The following SPATA9 variants were observed in gnomAD, a reference collection of about 807,000 sequenced individuals.
SPATA9 encodes spermatogenesis associated 9, also known as spermatogenesis-associated protein 9.
A neutral mutation model predicts 25.5 loss-of-function variants in SPATA9; 27 were observed. The ratio of observed to expected loss-of-function variants is 1.06; its 90% CI spans 0.78 to 1.46. SPATA9 has a LOEUF of 1.46. Among genes scored for constraint, SPATA9 ranks in the 40% most tolerant of loss-of-function variants. The probability of loss-of-function intolerance (pLI) is 0.00; values close to 1 mark genes in which losing one functional copy is unlikely to be tolerated. For missense variants in SPATA9, 282 were observed against 297.5 expected (o/e 0.95, Z 0.38); for synonymous variants, 102 against 105.7 (o/e 0.97, Z 0.21).
the SPATA9 span, chr5:95,719,750 C>T: frequency 6.6e-6 from 1 of 152,146 alleles, no homozygotes; most frequent in Admixed American, 6.6e-5. Flanking sequence ...AGATAGGTCA[C>T]CAATCTTTCC....
chr5:95,669,724 G>C (rs1752189778), intron 3 of SPATA9, among the ~76,000 whole-genome samples: 1 of 152,154 alleles, frequency 6.6e-6, no homozygotes, highest in Admixed American at 6.6e-5. Context: ...CATTCAAGGC[G>C]ATTATCTAGG....
chr5:95,715,322 CAAA>C, the SPATA9 span, among the ~76,000 whole-genome samples: 5 of 67,320 alleles, frequency 7.4e-5, 1 homozygote, highest in Admixed American at 5.2e-4. Context: ...GATTCCATCT[CAAA>C]AAAAAAAAAA....
At chr5:95,724,966 T>A in the SPATA9 span, among the ~76,000 whole-genome samples, 1 of 151,614 alleles carries the variant, frequency 6.6e-6, no homozygotes, top group Non-Finnish European at 1.5e-5. Context: ...GGTGAGAGAA[T>A]CAATTGAGTC....
chr5:95,714,551 C>T, the SPATA9 span, among the ~76,000 whole-genome samples: 5 of 152,076 alleles, frequency 3.3e-5, no homozygotes, highest in African/African-American at 9.7e-5. Context: ...AATTTGAAGG[C>T]TGTTGGTGAC....
At chr5:95,654,363 T>C (rs200861427), downstream of SPATA9, 24 of 1,588,762 alleles carry the variant, frequency 1.5e-5, no homozygotes, top group African/African-American at 2.7e-4. Flanking sequence ...TTGGGAGATA[T>C]AGAGGTATGT....
chr5:95,683,693 A>T (rs183744228), upstream of SPATA9, among the ~76,000 whole-genome samples: 2 of 152,014 alleles, frequency 1.3e-5, no homozygotes, highest in Non-Finnish European at 2.9e-5. Flanking sequence ...ACCCACCACC[A>T]CGCCTGGCTA....
In SPATA9 at chr5:95,694,849, T is replaced by C. The variant is rs529519654; in HGVS notation, n.124+3739A>G. Among the ~76,000 whole-genome samples the C allele has an allele frequency of 2.0e-3, 312 of 152,322 alleles. 1 individual carries two copies. The highest frequency in any genetic ancestry group is 6.8e-3 in the African/African-American group (283 of 41,568). On this transcript the variant is annotated intron_variant and non_coding_transcript_variant, in intron 1 of 2. Transcript: ENST00000379990. The stretch of plus-strand genomic sequence containing the variant: ...CCCCTTTCTACCAGGGAGGGCAGGA[T>C]AATTCTTATTTGTCCAAGACAACTC...
chr5:95,664,058 CAG>C lies in SPATA9; in HGVS notation c.379-12_379-11del, dbSNP rs762063651. The C allele has an allele frequency of 6.0e-6, 9 of 1,504,854 alleles. No individual in the cohort carries two copies. In the Admixed American group the frequency reaches 1.8e-4, roughly 30 times the overall value. 93.2% of individuals were successfully genotyped at this position (1,504,854 alleles called of 1,614,324 possible). A position where few individuals can be genotyped will look rare whatever the true frequency, so the allele number is the denominator to read the frequency against. On this transcript the variant is annotated splice_polypyrimidine_tract_variant and intron_variant, in intron 3 of 4. Transcript: ENST00000274432. ...AAGAACCCTTTCTGACCTGCAAAAA[CAG>C]AAAAGATTTTCTTAATAAACAAACA...
At chr5:95,716,442 G>C in the SPATA9 span, among the ~76,000 whole-genome samples, 1 of 152,208 alleles carries the variant, frequency 6.6e-6, no homozygotes, top group African/African-American at 2.4e-5. Flanking sequence ...CTTGCATGGG[G>C]CCTGTAGCCC....
intron 3 of SPATA9, among the ~76,000 whole-genome samples, chr5:95,672,124 G>A (rs1167120028): frequency 1.3e-5 from 2 of 152,142 alleles, no homozygotes; most frequent in Non-Finnish European, 1.5e-5. Context: ...TTGGGTGCTT[G>A]AGTATTAATA....
chr5:95,665,282 T>C (rs1751673782), intron 3 of SPATA9, among the ~76,000 whole-genome samples: 1 of 152,236 alleles, frequency 6.6e-6, no homozygotes, highest in Non-Finnish European at 1.5e-5. Context: ...GTCACCCTAC[T>C]GCGCAGTAGA....
chr5:95,729,283 T>C, the SPATA9 span, among the ~76,000 whole-genome samples: 2 of 152,158 alleles, frequency 1.3e-5, no homozygotes, highest in Non-Finnish European at 2.9e-5. Context: ...TGGTAACAAA[T>C]TGCTTTAGCT....
downstream of SPATA9, chr5:95,657,327 T>C (rs1380946512): frequency 6.6e-6 from 1 of 151,920 alleles, no homozygotes; most frequent in East Asian, 1.9e-4. Context: ...ACCGTACCAG[T>C]TGTAATGTAT....
intron 2 of SPATA9, among the ~76,000 whole-genome samples, chr5:95,676,979 G>T (rs1222308464): frequency 6.6e-6 from 1 of 152,030 alleles, no homozygotes; most frequent in Non-Finnish European, 1.5e-5. Flanking sequence ...TAGGTGTCTG[G>T]GATTTTGCAC....
intron 3 of SPATA9, among the ~76,000 whole-genome samples, chr5:95,664,315 T>G (rs993577410): frequency 4.6e-5 from 7 of 152,204 alleles, no homozygotes; most frequent in Admixed American, 3.9e-4. Context: ...AATTACCAAC[T>G]GTGCACACTA....
chr5:95,654,374 A>C (rs1750591724), downstream of SPATA9: 1 of 1,570,070 alleles, frequency 6.4e-7, no homozygotes, highest in Admixed American at 1.8e-5. Flanking sequence ...AGAGGTATGT[A>C]AAATTAAATT....
At chr5:95,728,089 T>C in the SPATA9 span, among the ~76,000 whole-genome samples, 1 of 152,244 alleles carries the variant, frequency 6.6e-6, no homozygotes, top group East Asian at 1.9e-4. Context: ...GAACTAATCA[T>C]GTGGCCCTAC....
At chr5:95,722,622 T>G in the SPATA9 span, among the ~76,000 whole-genome samples, 1 of 152,214 alleles carries the variant, frequency 6.6e-6, no homozygotes, top group Non-Finnish European at 1.5e-5. Context: ...CCCAAGTAGC[T>G]GGGACTACAG....
chr5:95,695,580 A>G (rs212998), intron 1 of SPATA9, among the ~76,000 whole-genome samples: 86,465 of 152,070 alleles, frequency 0.57, 24,767 homozygotes, highest in East Asian at 0.8. Flanking sequence ...CCTGGGCGAT[A>G]GAGTGAGACC....
Sources: allele counts gnomAD v4.1 joint callset (sites outside exome capture counted in the v4.1 genomes callset), GRCh38; gene constraint gnomAD v4.1.1; transcripts MANE v1.5; gene names NCBI Gene and HGNC (gene_info 2026-07-23, HGNC 2026-07-21).